GLMN: variants seen among roughly 807,000 people sequenced by gnomAD.
The protein encoded by GLMN is glomulin, FKBP associated protein.
GLMN carries 75 observed loss-of-function variants against 87.8 expected under a neutral mutation model. The ratio of observed to expected loss-of-function variants is 0.85; its 90% CI spans 0.71 to 1.04. The LOEUF is 1.04. GLMN is among the 50% of genes least tolerant of loss of function. The pLI is 0.00. For synonymous variants in GLMN, 206 were observed against 221.6 expected (o/e 0.93, Z 0.63); for missense variants, 588 against 658.8 (o/e 0.89, Z 1.18).
intron 7 of GLMN, among the ~76,000 whole-genome samples, chr1:92,282,395 A>G (rs1048699652): frequency 2.0e-5 from 3 of 152,242 alleles, no homozygotes; most frequent in African/African-American, 7.2e-5. Context: ...AACGAAATGA[A>G]GGCAGAAACA....
At chr1:92,349,477 A>C in the GLMN span, among the ~76,000 whole-genome samples, 1 of 152,210 alleles carries the variant, frequency 6.6e-6, no homozygotes, top group Non-Finnish European at 1.5e-5. Flanking sequence ...GGGGGAAAAA[A>C]ATCAACATTT....
the GLMN span, among the ~76,000 whole-genome samples, chr1:92,355,639 C>T: frequency 6.6e-6 from 1 of 152,098 alleles, no homozygotes; most frequent in African/African-American, 2.4e-5. Flanking sequence ...GGAACACCCC[C>T]AAGATGCCTT....
At chr1:92,343,520 G>A in the GLMN span, among the ~76,000 whole-genome samples, 1 of 152,056 alleles carries the variant, frequency 6.6e-6, no homozygotes, top group Admixed American at 6.5e-5. Flanking sequence ...GGAAAATTCA[G>A]ATTAATGTAA....
At chr1:92,356,940 C>T in the GLMN span, among the ~76,000 whole-genome samples, 1 of 151,926 alleles carries the variant, frequency 6.6e-6, no homozygotes, top group African/African-American at 2.4e-5. Flanking sequence ...GCGGGGACCG[C>T]CTGTAATCTC....
At chr1:92,344,576 AT>A in the GLMN span, among the ~76,000 whole-genome samples, 2 of 151,320 alleles carry the variant, frequency 1.3e-5, no homozygotes, top group Admixed American at 6.6e-5. Flanking sequence ...TTTAACACAC[AT>A]TTTTTTTATG....
rs550606935 is a variant in GLMN at position 92,287,032 on chromosome 1, G to T, written c.633-440C>A. Among the ~76,000 whole-genome samples, 25 of 152,258 alleles carry T rather than the reference G, an allele frequency of 1.6e-4. No individual in the cohort carries two copies. The East Asian group carries it at 4.4e-3, about 27-fold the overall frequency. On this transcript the variant is annotated intron_variant, in intron 6 of 18. Coordinates refer to ENST00000370360, the MANE Select transcript of GLMN (RefSeq NM_053274.3). The stretch of plus-strand genomic sequence containing the variant: ...TAAGACAAGCATCAATAACTCAATG[G>T]TCTATAAAACTGGTGATGTAACGTC...
chr1:92,307,325 T>C, the GLMN span: 3 of 1,296,168 alleles, frequency 2.3e-6, no homozygotes, highest in Non-Finnish European at 3.2e-6. Flanking sequence ...TTCTAATAAT[T>C]TGTTTCTGCT....
the GLMN span, chr1:92,323,775 T>C: frequency 1.2e-5 from 20 of 1,614,006 alleles, no homozygotes; most frequent in Admixed American, 1.7e-5. Context: ...AGGAGAAAGA[T>C]GCTACATGTG....
At chr1:92,333,599 G>A in the GLMN span, 1 of 673,046 alleles carries the variant, frequency 1.5e-6, no homozygotes, top group Non-Finnish European at 2.5e-6. Flanking sequence ...AAGTTCACAT[G>A]GATTTCTTCA....
chr1:92,324,249 T>G, the GLMN span: 169 of 1,614,030 alleles, frequency 1.0e-4, no homozygotes, highest in African/African-American at 1.8e-3. Flanking sequence ...GTACAGCCAT[T>G]AAACCACTGC....
At chr1:92,269,412 G>T (rs1389308000) in intron 9 of GLMN, among the ~76,000 whole-genome samples, 1 of 152,162 alleles carries the variant, frequency 6.6e-6, no homozygotes, top group African/African-American at 2.4e-5. Flanking sequence ...AGATGGAGGA[G>T]GATGCAGTGG....
At chr1:92,329,970 A>T in the GLMN span, among the ~76,000 whole-genome samples, 1 of 152,190 alleles carries the variant, frequency 6.6e-6, no homozygotes, top group Non-Finnish European at 1.5e-5. Flanking sequence ...AAACCAAAGG[A>T]ATGATACACT....
chr1:92,300,152 G>A (rs753635482), upstream of GLMN: 10 of 1,438,114 alleles, frequency 7.0e-6, no homozygotes, highest in South Asian at 4.7e-5. Context: ...CGTCGTTTAC[G>A]GAAATGTCAT....
the GLMN span, among the ~76,000 whole-genome samples, chr1:92,312,823 TC>T: frequency 2.0e-5 from 3 of 151,926 alleles, no homozygotes; most frequent in South Asian, 4.2e-4. Flanking sequence ...TTTTTTTTTT[TC>T]CTTTTTTCTT....
chr1:92,367,163 A>G, the GLMN span, among the ~76,000 whole-genome samples: 3 of 152,238 alleles, frequency 2.0e-5, no homozygotes, highest in Non-Finnish European at 4.4e-5. Flanking sequence ...CAGGTACTTC[A>G]GCTCTCAAAA....
intron 7 of GLMN, among the ~76,000 whole-genome samples, chr1:92,274,523 T>C (rs1656598977): frequency 6.6e-6 from 1 of 152,220 alleles, no homozygotes; most frequent in Non-Finnish European, 1.5e-5. Flanking sequence ...TCTTTTTCTC[T>C]ACCCAATTCC....
intron 7 of GLMN, among the ~76,000 whole-genome samples, chr1:92,277,898 G>A (rs1647477471): frequency 6.6e-6 from 1 of 152,014 alleles, no homozygotes; most frequent in Admixed American, 6.5e-5. Context: ...AGGGGGTCCT[G>A]GGAATCCTGA....
intron 8 of GLMN, 99 bp from the exon 9 acceptor site, chr1:92,269,875 A>C: frequency 1.2e-6 from 1 of 815,336 alleles, no homozygotes; most frequent in South Asian, 1.4e-5. Flanking sequence ...TCCCCCAAAA[A>C]AGATATGTTG....
chr1:92,296,431 G>T (rs1450890282), intron 3 of GLMN, among the ~76,000 whole-genome samples: 2 of 152,172 alleles, frequency 1.3e-5, no homozygotes, highest in Non-Finnish European at 2.9e-5. Context: ...GCAGGAGAGG[G>T]ACTGAGTGCC....
Sources: allele counts gnomAD v4.1 joint callset (sites outside exome capture counted in the v4.1 genomes callset), GRCh38; gene constraint gnomAD v4.1.1; transcripts MANE v1.5; gene names NCBI Gene and HGNC (gene_info 2026-07-23, HGNC 2026-07-21).